SRRT: variants seen among roughly 807,000 people sequenced by gnomAD.
SRRT encodes the protein serrate RNA effector molecule homolog.
In SRRT, 32 loss-of-function variants were observed where a neutral mutation model predicts 103.2. The ratio of observed to expected loss-of-function variants is 0.31; its 90% CI spans 0.23 to 0.42. The LOEUF is 0.42. Ranked by LOEUF, SRRT falls within the 10% of genes least tolerant of loss-of-function variation. SRRT has a pLI of 1.00. For missense variants in SRRT, 986 were observed against 1,207.5 expected (o/e 0.82, Z 2.72); for synonymous variants, 525 against 449.0 (o/e 1.17, Z -2.14).
At chr7:100,883,989 G>C (rs1294072850) in intron 5 of SRRT, 81 bp from the exon 6 acceptor site, 1 of 1,456,922 alleles carries the variant, frequency 6.9e-7, no homozygotes, top group Non-Finnish European at 9.2e-7. Context: ...GATATGCCCT[G>C]TCTTTCCTGG....
chr7:100,878,168 TG>T (rs1057099828), intron 2 of SRRT, among the ~76,000 whole-genome samples: 11 of 152,078 alleles, frequency 7.2e-5, no homozygotes, highest in African/African-American at 2.7e-4. Flanking sequence ...AAAAATTAGC[TG>T]GGGGTGGTGG....
chr7:100,880,285 G>GT (rs1219924323), intron 2 of SRRT, among the ~76,000 whole-genome samples: 1 of 152,160 alleles, frequency 6.6e-6, no homozygotes, highest in Non-Finnish European at 1.5e-5. Flanking sequence ...GTGGTGGGAT[G>GT]AATAGGCTTG....
rs777494395 is a variant in SRRT at position 100,887,170 on chromosome 7, A to G, written c.1945A>G (p.Met649Val). Reference sequence around the variant, plus strand: ...TGGGATCATCCACGTTCGGGGGCCCATGCCACCCAACCGCATCAGTCACGG... The same window carrying G: ...TGGGATCATCCACGTTCGGGGGCCCGTGCCACCCAACCGCATCAGTCACGG... ...RCGIIHVRGP[M>V]PPNRISHGEV... The change falls in exon 15 of 20, where the codon ATG becomes GTG. Residue 649 changes from methionine to valine, a missense_variant. By Grantham distance (21) the Met-to-Val change is conservative. This residue lies in a region of SRRT where 349 missense variants were observed against 446.9 expected (regional missense o/e 0.78). Coordinates refer to ENST00000611405, the MANE Select transcript of SRRT (RefSeq NM_015908.6). This position sits in a 1 kb window ranked among gnomAD's most constrained non-coding sequence, Gnocchi z 4.1. 3 of 1,614,060 alleles carry G rather than the reference A, an allele frequency of 1.9e-6. No homozygotes were observed. Among genetic ancestry groups the G allele is most frequent in the South Asian group, 1.1e-5 (1 of 91,092 alleles).
chr7:100,878,710 T>TC (rs1238012761), intron 2 of SRRT, among the ~76,000 whole-genome samples: 2 of 151,870 alleles, frequency 1.3e-5, no homozygotes, highest in Non-Finnish European at 2.9e-5. Flanking sequence ...TCTGTTTTTT[T>TC]TTTGAGACGG....
At chr7:100,881,856 G>T (rs1304582307) in intron 4 of SRRT, 51 bp downstream of exon 4, 1 of 1,546,530 alleles carries the variant, frequency 6.5e-7, no homozygotes, top group South Asian at 1.2e-5. Flanking sequence ...GGGATGGATG[G>T]GGTTGCTGAA....
At chr7:100,878,876 T>C (rs7801015) in intron 2 of SRRT, among the ~76,000 whole-genome samples, 62,452 of 151,826 alleles carry the variant, frequency 0.41, 15,040 homozygotes, top group East Asian at 0.8. Flanking sequence ...TAACCTACTT[T>C]CTTCCTTCCT....
Position 100,888,638 on chromosome 7 carries a change from A to G in SRRT, c.*89A>G, listed in dbSNP as rs780367208. On this transcript the variant is annotated 3_prime_UTR_variant, in exon 20 of 20. Transcript: ENST00000611405. ...GAGAATTTTTTGTACGATCAGCCTTACTGCTAATAAAAGCACTTCCACAGG... is the reference window on the plus strand; with the variant it reads ...GAGAATTTTTTGTACGATCAGCCTTGCTGCTAATAAAAGCACTTCCACAGG... The G allele has an allele frequency of 6.4e-7, 1 of 1,552,516 alleles. No homozygotes were observed.
chr7:100,875,969 G>T (rs544832829), intron 2 of SRRT: 12 of 418,310 alleles, frequency 2.9e-5, no homozygotes, highest in South Asian at 2.8e-4. Context: ...TGCACGAAAA[G>T]CGTGCTTTTT....
At position 100,885,505 on chromosome 7, in the gene SRRT, T is replaced by C; in HGVS notation, c.1317+135T>C. ...GGCCCCTTCCCCAGGTTCCATGGCC[T>C]CCGAGGACTAGTCCTGATAGCGCCA... On this transcript the variant is annotated intron_variant, in intron 10 of 19. Transcript: ENST00000611405. This position sits in a 1 kb window ranked among gnomAD's most constrained non-coding sequence, Gnocchi z 4.8. 5.3e-6 allele frequency: 6 copies of C among 1,131,958 alleles called. No individual in the cohort carries two copies. The South Asian group carries it at 9.2e-5, about 17-fold the overall frequency. 70.1% of individuals were successfully genotyped at this position (1,131,958 alleles called of 1,614,324 possible).
chr7:100,877,288 G>A (rs1035184992), intron 2 of SRRT, among the ~76,000 whole-genome samples: 3 of 151,178 alleles, frequency 2.0e-5, no homozygotes, highest in Admixed American at 6.6e-5. Context: ...AGGCATGGTG[G>A]TGCGCGCCTG....
chr7:100,887,674 G>T lies in SRRT; in HGVS notation c.2170-29G>T. ...GGAGCGAGGCAACCCTTATGTGGCT[G>T]TCCTGACCCCTCTCCTCTCTCCACC... On this transcript the variant is annotated intron_variant, in intron 16 of 19. Coordinates refer to ENST00000611405, the MANE Select transcript of SRRT (RefSeq NM_015908.6). This position sits in a 1 kb window ranked among gnomAD's most constrained non-coding sequence, Gnocchi z 4.1. 1 of 1,598,386 alleles carries T rather than the reference G, an allele frequency of 6.3e-7. No homozygotes were observed. Among genetic ancestry groups the T allele is most frequent in the Non-Finnish European group, 8.6e-7 (1 of 1,167,916 alleles).
intron 2 of SRRT, among the ~76,000 whole-genome samples, chr7:100,877,802 G>C (rs1035967097): frequency 6.6e-6 from 1 of 152,098 alleles, no homozygotes; most frequent in Non-Finnish European, 1.5e-5. Context: ...TTACAGGCCC[G>C]CGTTAGTTGT....
In SRRT at chr7:100,881,470, C is replaced by T. The variant is rs1789548165; in HGVS notation, c.251+57C>T. ...TTGCCTCAGTTCCACCTGGGCCTCC[C>T]CTTTCTCCCCTCACCTGTGCCTAAA... On this transcript the variant is annotated intron_variant, in intron 3 of 19. Transcript: ENST00000611405. 8.8e-6 allele frequency: 14 copies of T among 1,591,196 alleles called. No individual in the cohort carries two copies. In the Admixed American group the frequency reaches 2.4e-4, roughly 27 times the overall value.
At chr7:100,875,545 A>G (rs753987434) in intron 1 of SRRT, 28 bp from the exon 2 acceptor site, 50 of 1,610,002 alleles carry the variant, frequency 3.1e-5, no homozygotes, top group African/African-American at 8.0e-5. Flanking sequence ...CTTTTGCACC[A>G]CTCCTACCGC....
At position 100,888,306 on chromosome 7, in the gene SRRT, T is replaced by C; in HGVS notation, c.2478T>C (p.His826=). The C allele has an allele frequency of 1.2e-6, 2 of 1,613,978 alleles. No individual in the cohort carries two copies. ...CCACAGGAGGCCCTCCATACCCCCA[T>C]GCCCCGTATGGTGCTGGTCGAGGGA... The part of the protein sequence containing the change: ...AVPTGGPPYP[H]APYGAGRGNY... The change falls in exon 19 of 20, where the codon CAT becomes CAC. Residue 826 remains histidine (H), a synonymous_variant. Coordinates refer to ENST00000611405, the MANE Select transcript of SRRT (RefSeq NM_015908.6).
chr7:100,876,215 A>T (rs1337902827), intron 2 of SRRT, among the ~76,000 whole-genome samples: 1 of 152,134 alleles, frequency 6.6e-6, no homozygotes, highest in Non-Finnish European at 1.5e-5. Context: ...GCAATGGCGC[A>T]ATCTTGGCTC....
In SRRT at chr7:100,887,301, C is replaced by A. The variant is rs1442693977; in HGVS notation, c.1976-19C>A. 6.2e-7 allele frequency: 1 copy of A among 1,611,766 alleles called. No homozygotes were observed. The highest frequency in any genetic ancestry group is 2.2e-5 in the East Asian group (1 of 44,820). On this transcript the variant is annotated intron_variant, in intron 15 of 19. Coordinates refer to ENST00000611405, the MANE Select transcript of SRRT (RefSeq NM_015908.6). This position sits in a 1 kb window ranked among gnomAD's most constrained non-coding sequence, Gnocchi z 4.1. ...CTGGCTCCCTTGCCAACCTTCCTTC[C>A]TCTGTTCCCAAACCACAGTGCTGGA...
At chr7:100,886,470 A>G (rs746343848) in intron 13 of SRRT, 35 bp downstream of exon 13, 2 of 1,579,026 alleles carry the variant, frequency 1.3e-6, no homozygotes, top group African/African-American at 1.3e-5. Context: ...GTCAGAAGCA[A>G]CTGGTAGTGC....
intron 2 of SRRT, 166 bp downstream of exon 2, chr7:100,875,878 C>T (rs1815637395): frequency 1.3e-6 from 1 of 790,458 alleles, no homozygotes; most frequent in Non-Finnish European, 2.0e-6. Context: ...AAATAACTAG[C>T]TGTGGCTTGG....
Sources: gnomAD v4.1 joint callset for allele counts (sites outside exome capture counted in the v4.1 genomes callset) on GRCh38, gnomAD v4.1.1 for gene constraint, gnomAD v4.1.1 regional missense constraint, Gnocchi (gnomAD v3.1) non-coding constraint, MANE v1.5 for transcripts, NCBI Gene and HGNC (gene_info 2026-07-23, HGNC 2026-07-21) for gene names.